Variants in PCSK5 observed in about 807,000 individuals in gnomAD.
PCSK5 encodes the protein prohormone convertase 5.
PCSK5 carries 129 observed loss-of-function variants against 233.2 expected under a neutral mutation model. The observed-to-expected ratio is 0.55, with a 90% CI of 0.48 to 0.64. The LOEUF is 0.64. PCSK5 is among the 30% of genes least tolerant of loss of function. PCSK5 has a pLI of 0.00. For synonymous variants in PCSK5, 825 were observed against 879.2 expected, an observed-to-expected ratio of 0.94 and a Z score of 1.09; for missense variants, 2,076 against 2,430.1, an observed-to-expected ratio of 0.85 and a Z score of 3.06.
At chr9:76,156,046 A>G (rs930127688) in intron 10 of PCSK5, among the ~76,000 whole-genome samples, 7 of 152,244 alleles carry the variant, frequency 4.6e-5, no homozygotes, top group African/African-American at 1.2e-4. Flanking sequence ...TAAGTAATCC[A>G]TAAGTATGGG....
chr9:76,066,580 T>A (rs1428609611), intron 5 of PCSK5, among the ~76,000 whole-genome samples: 1 of 152,148 alleles, frequency 6.6e-6, no homozygotes, highest in Non-Finnish European at 1.5e-5. Context: ...TGTGTATATA[T>A]ATAGACAGAT....
chr9:76,208,544 A>G (rs1417900331), intron 20 of PCSK5, among the ~76,000 whole-genome samples: 1 of 152,126 alleles, frequency 6.6e-6, no homozygotes, highest in Non-Finnish European at 1.5e-5. Context: ...GAGACCTTTT[A>G]TGATTTATAG....
At chr9:76,258,364 G>C (rs1249925469) in intron 24 of PCSK5, among the ~76,000 whole-genome samples, 1 of 152,214 alleles carries the variant, frequency 6.6e-6, no homozygotes, top group East Asian at 1.9e-4. Flanking sequence ...ATGACATTGA[G>C]CCTTTGGGTC....
chr9:75,949,343 T>A (rs1824736376), intron 2 of PCSK5, among the ~76,000 whole-genome samples: 1 of 151,678 alleles, frequency 6.6e-6, no homozygotes, highest in Non-Finnish European at 1.5e-5. Context: ...TTGAAAGGAT[T>A]TAAGGTGTAA....
At chr9:76,055,912 TATG>T (rs1331954255) in intron 5 of PCSK5, among the ~76,000 whole-genome samples, 3 of 152,184 alleles carry the variant, frequency 2.0e-5, no homozygotes, top group Non-Finnish European at 4.4e-5. Context: ...AAGGTGGTAA[TATG>T]ATGATGCATA....
intron 4 of PCSK5, among the ~76,000 whole-genome samples, chr9:76,024,119 A>G (rs1828318493): frequency 6.6e-6 from 1 of 152,202 alleles, no homozygotes. Context: ...ATAAGGTAGC[A>G]GAAACTCCGC....
intron 1 of PCSK5, among the ~76,000 whole-genome samples, chr9:75,894,866 A>T (rs12351112): frequency 2.0e-5 from 3 of 152,114 alleles, no homozygotes; most frequent in African/African-American, 7.2e-5. Flanking sequence ...ATATAAAGGA[A>T]TAAGACCTGA....
intron 3 of PCSK5, among the ~76,000 whole-genome samples, chr9:75,999,859 G>C (rs910902757): frequency 6.6e-6 from 1 of 152,180 alleles, no homozygotes; most frequent in South Asian, 2.1e-4. Flanking sequence ...TAGGACATAG[G>C]CATGGGCAAA....
At chr9:76,270,117 A>G (rs1172680986) in intron 24 of PCSK5, among the ~76,000 whole-genome samples, 3 of 152,176 alleles carry the variant, frequency 2.0e-5, no homozygotes, top group Non-Finnish European at 4.4e-5. Context: ...ACTTGTTTAC[A>G]CAAGCCCTAG....
intron 30 of PCSK5, among the ~76,000 whole-genome samples, chr9:76,315,865 C>G (rs950540058): frequency 1.3e-5 from 2 of 149,738 alleles, no homozygotes; most frequent in African/African-American, 2.5e-5. Context: ...TTCCTGACCT[C>G]AGGTGATCCA....
intron 24 of PCSK5, among the ~76,000 whole-genome samples, chr9:76,289,721 A>T (rs1356279876): frequency 6.6e-6 from 1 of 152,132 alleles, no homozygotes; most frequent in Non-Finnish European, 1.5e-5. Context: ...TGACTTGTGG[A>T]TCTTCTGGGG....
At chr9:76,282,123 T>C (rs1827891298) in intron 24 of PCSK5, among the ~76,000 whole-genome samples, 1 of 58,294 alleles carries the variant, frequency 1.7e-5, no homozygotes, top group African/African-American at 5.6e-5. Flanking sequence ...TTCTTTGCTT[T>C]TTTTTTTTTT....
At chr9:75,950,089 C>T (rs1824774926) in intron 2 of PCSK5, among the ~76,000 whole-genome samples, 2 of 132,134 alleles carry the variant, frequency 1.5e-5, no homozygotes, top group Admixed American at 9.3e-5. Context: ...ACAAACTGTC[C>T]TTCTCTATAC....
At chr9:75,893,154 C>T (rs1487751273) in intron 1 of PCSK5, among the ~76,000 whole-genome samples, 1 of 152,180 alleles carries the variant, frequency 6.6e-6, no homozygotes, top group African/African-American at 2.4e-5. Context: ...GTTCTGCTAA[C>T]ATTGAACATC....
At chr9:76,351,536 GGAAA>G (rs149088192) in intron 36 of PCSK5, among the ~76,000 whole-genome samples, 1,910 of 91,348 alleles carry the variant, frequency 0.021, 515 homozygotes, top group East Asian at 0.09. Flanking sequence ...AAGAAAGGAA[GGAAA>G]GAAAGAGAAA....
intron 1 of PCSK5, among the ~76,000 whole-genome samples, chr9:75,915,851 C>CA (rs1822964310): frequency 6.6e-6 from 1 of 152,162 alleles, no homozygotes; most frequent in Non-Finnish European, 1.5e-5. Flanking sequence ...TTTACATCAA[C>CA]AGTAAGTACT....
intron 34 of PCSK5, among the ~76,000 whole-genome samples, chr9:76,336,315 A>C (rs951325353): frequency 6.2e-5 from 1 of 16,156 alleles, no homozygotes; most frequent in Non-Finnish European, 2.2e-4. Flanking sequence ...TTAGTCTACA[A>C]AAAAAAAGCC....
intron 20 of PCSK5, among the ~76,000 whole-genome samples, chr9:76,204,739 A>C (rs1467059905): frequency 1.3e-5 from 2 of 152,190 alleles, no homozygotes; most frequent in African/African-American, 4.8e-5. Context: ...CACAAATACT[A>C]GCTCAGTAAA....
At chr9:75,981,723 T>G (rs1826285808) in intron 2 of PCSK5, among the ~76,000 whole-genome samples, 1 of 151,970 alleles carries the variant, frequency 6.6e-6, no homozygotes, top group African/African-American at 2.4e-5. Context: ...TGGCTACTTT[T>G]TTAAACATTC....
Sources: gnomAD v4.1 joint callset for allele counts (sites outside exome capture counted in the v4.1 genomes callset) on GRCh38, gnomAD v4.1.1 for gene constraint, MANE v1.5 for transcripts, NCBI Gene and HGNC (gene_info 2026-07-23, HGNC 2026-07-21) for gene names.